OR4A15: variants seen among roughly 807,000 people sequenced by gnomAD.
OR4A15 encodes olfactory receptor 4A15.
For synonymous variants in OR4A15, 240 were observed against 135.6 expected (o/e 1.77, Z -5.35); for missense variants, 657 against 374.7 (o/e 1.75, Z -6.22).
rs770048536 is a variant in OR4A15 at position 55,368,392 on chromosome 11, T to A, written c.419T>A (p.Val140Asp). The A allele has an allele frequency of 1.3e-5, 21 of 1,613,652 alleles. No homozygotes were observed. Among genetic ancestry groups the A allele is most frequent in the Admixed American group, 6.7e-5 (4 of 59,946 alleles). ...ATCACCATGAATCGTCGAGTCTGTG[T>A]TCTTATGCTGTTGGCGGCCTGGATT... Residue 140 changes from valine (V) to aspartate (D), a missense_variant, in exon 1 of 1, where the codon GTT becomes GAT. Coordinates refer to ENST00000641526, the Ensembl canonical transcript of OR4A15.
chr11:55,368,375 G>T (rs752198997), exon 1 of OR4A15: 2 of 1,613,522 alleles, frequency 1.2e-6, no homozygotes, highest in Non-Finnish European at 1.7e-6. Flanking sequence ...TGATCACCAT[G>T]AATCGTCGAG....
Position 55,368,298 on chromosome 11 carries a change from G to A in OR4A15, c.325G>A (p.Glu109Lys), listed in dbSNP as rs766343006. The A allele has an allele frequency of 5.6e-6, 9 of 1,613,896 alleles. No homozygotes were observed. The Admixed American group carries it at 8.3e-5, about 15-fold the overall frequency. ...TATGGATCATTTATTTGCTGGTGCT[G>A]AAGTCATTCTTCTGGTGGTAATGGC... is the stretch of plus-strand genomic sequence containing the variant. Residue 109 changes from glutamate to lysine, a missense_variant, in exon 1 of 1, where the codon GAA becomes AAA. By Grantham distance (56) the Glu-to-Lys change is moderately conservative. Coordinates refer to ENST00000641526, the Ensembl canonical transcript of OR4A15.
chr11:55,368,697 G>C, exon 1 of OR4A15: 1 of 1,613,564 alleles, frequency 6.2e-7, no homozygotes, highest in Non-Finnish European at 8.5e-7. Flanking sequence ...TGCATCCCAC[G>C]TCACTGTGGT....
chr11:55,368,752 A>G (rs757184394), exon 1 of OR4A15: 1 of 1,613,768 alleles, frequency 6.2e-7, no homozygotes, highest in Admixed American at 1.7e-5. Flanking sequence ...GCAAGGCCCA[A>G]TTCTACTTTT....
exon 1 of OR4A15, chr11:55,368,411 C>T (rs758800261): frequency 2.5e-6 from 4 of 1,613,536 alleles, no homozygotes; most frequent in Non-Finnish European, 3.4e-6. Flanking sequence ...TGTTGGCGGC[C>T]TGGATTGGAG....
At chr11:55,368,277 G>A (rs772757204) in exon 1 of OR4A15, 13 of 1,613,716 alleles carry the variant, frequency 8.1e-6, no homozygotes, top group South Asian at 4.4e-5. Flanking sequence ...ACTTTTTATG[G>A]ATCATTTATT....
At chr11:55,368,364 T>C (rs1853882356) in exon 1 of OR4A15, 1 of 1,613,016 alleles carries the variant, frequency 6.2e-7, no homozygotes, top group Non-Finnish European at 8.5e-7. Context: ...TCTTCATGAA[T>C]TGATCACCAT....
rs1853891777 is a variant in OR4A15, at chr11:55,368,685, T to C, written c.712T>C (p.Cys238Arg). Residue 238 changes from cysteine to arginine, a missense_variant, in exon 1 of 1, where the codon TGT becomes CGT. Cys to Arg is a radical substitution (Grantham distance 180). Coordinates refer to ENST00000641526, the Ensembl canonical transcript of OR4A15. Reference sequence around the variant, plus strand: ...AGGGAAACGAAAAGCTTTCTACACCTGTGCATCCCACGTCACTGTGGTCAT... The same window carrying C: ...AGGGAAACGAAAAGCTTTCTACACCCGTGCATCCCACGTCACTGTGGTCAT... 2.5e-6 allele frequency: 4 copies of C among 1,613,714 alleles called. No homozygotes were observed. In the East Asian group the frequency reaches 8.9e-5, roughly 36 times the overall value.
rs1292281553 is a variant in OR4A15, at chr11:55,368,491, A to G, written c.518A>G (p.Asp173Gly). 11 of 1,611,974 alleles carry G rather than the reference A, an allele frequency of 6.8e-6. No individual in the cohort carries two copies. Among genetic ancestry groups the G allele is most frequent in the Non-Finnish European group, 9.3e-6 (11 of 1,178,270 alleles). Reference sequence around the variant, plus strand: ...CCTTTCTGTGGACCCAATGTCATTGACAACTTCCTGTGTGATTTGTATCCC... The same window carrying G: ...CCTTTCTGTGGACCCAATGTCATTGGCAACTTCCTGTGTGATTTGTATCCC... Residue 173 changes from aspartate to glycine, a missense_variant, in exon 1 of 1, where the codon GAC (aspartate) becomes GGC (glycine). Coordinates refer to ENST00000641526, the Ensembl canonical transcript of OR4A15.
chr11:55,368,876 T>C (rs751077435), exon 1 of OR4A15: 2 of 1,608,066 alleles, frequency 1.2e-6, no homozygotes, highest in Admixed American at 1.7e-5. Context: ...AACTTTGGAG[T>C]AAAAAAGTAA....
At chr11:55,368,184 T>C in exon 1 of OR4A15, 1 of 1,613,512 alleles carries the variant, frequency 6.2e-7, no homozygotes. Flanking sequence ...AGATACCGTC[T>C]ATTCTACTGC....
chr11:55,368,026 A>G (rs766182541), exon 1 of OR4A15: 2 of 1,613,506 alleles, frequency 1.2e-6, no homozygotes, highest in Admixed American at 1.7e-5. Flanking sequence ...CTCACACAGA[A>G]CCCTGAGGGG....
At chr11:55,368,866 A>G in exon 1 of OR4A15, 2 of 1,610,558 alleles carry the variant, frequency 1.2e-6, no homozygotes, top group East Asian at 2.2e-5. Flanking sequence ...GCCATGAGGA[A>G]ACTTTGGAGT....
exon 1 of OR4A15, chr11:55,368,797 T>G (rs989783435): frequency 6.2e-7 from 1 of 1,613,664 alleles, no homozygotes; most frequent in African/African-American, 1.3e-5. Flanking sequence ...GTTCTAACTT[T>G]TATAACTCCC....
exon 1 of OR4A15, chr11:55,368,622 G>A (rs1853889720): frequency 3.7e-6 from 6 of 1,613,636 alleles, no homozygotes; most frequent in Non-Finnish European, 5.1e-6. Flanking sequence ...GCTTTCCTAT[G>A]GGGTCATATT....
At chr11:55,368,350 A>T in exon 1 of OR4A15, 2 of 1,613,334 alleles carry the variant, frequency 1.2e-6, no homozygotes, top group Non-Finnish European at 1.7e-6. Flanking sequence ...GCCATCTGTA[A>T]GCCTCTTCAT....
chr11:55,368,540 T>A (rs773010996), exon 1 of OR4A15: 30 of 1,613,408 alleles, frequency 1.9e-5, no homozygotes, highest in Non-Finnish European at 2.5e-5. Flanking sequence ...CTTGCACCAA[T>A]ACCTATGTCA....
exon 1 of OR4A15, chr11:55,368,597 C>A (rs761843525): frequency 5.0e-6 from 8 of 1,613,542 alleles, no homozygotes; most frequent in Non-Finnish European, 6.8e-6. Flanking sequence ...GTGCTGTCAC[C>A]TTCTTCACTA....
exon 1 of OR4A15, chr11:55,368,359 A>C (rs996923119): frequency 3.1e-6 from 5 of 1,613,434 alleles, no homozygotes; most frequent in Non-Finnish European, 4.2e-6. Flanking sequence ...AAGCCTCTTC[A>C]TGAATTGATC....
Sources: gnomAD v4.1 joint callset for allele counts on GRCh38, gnomAD v4.1.1 for gene constraint, MANE v1.5 for transcripts, NCBI Gene and HGNC (gene_info 2026-07-23, HGNC 2026-07-21) for gene names.